Variants in PTPRN2 observed in about 807,000 individuals in gnomAD.
The protein encoded by PTPRN2 is protein tyrosine phosphatase receptor type N2.
PTPRN2 carries 74 observed loss-of-function variants against 118.8 expected under a neutral mutation model. The ratio of observed to expected loss-of-function variants is 0.62; its 90% CI spans 0.52 to 0.76. The LOEUF is 0.76. PTPRN2 is among the 30% of genes least tolerant of loss of function. The pLI is 0.00. For missense variants in PTPRN2, 1,481 were observed against 1,394.4 expected, an observed-to-expected ratio of 1.06 and a Z score of -0.99; for synonymous variants, 641 against 608.0, an observed-to-expected ratio of 1.05 and a Z score of -0.80.
In PTPRN2 at chr7:158,178,149, A is replaced by G. The variant is rs111846172; in HGVS notation, c.550-10858T>C. Reference sequence around the variant, plus strand: ...AATGATACTGAATATTTCACATTAAATTGTCACTCATTTATCCTCTTTGGT... The same window carrying G: ...AATGATACTGAATATTTCACATTAAGTTGTCACTCATTTATCCTCTTTGGT... On this transcript the variant is annotated intron_variant, in intron 5 of 22. Coordinates refer to ENST00000389418, the MANE Select transcript of PTPRN2 (RefSeq NM_002847.5). Among the ~76,000 whole-genome samples the G allele has an allele frequency of 8.8e-3, 1,347 of 152,240 alleles. 10 individuals carry two copies. Among genetic ancestry groups the G allele is most frequent in the Non-Finnish European group, 0.015 (1,020 of 68,020 alleles).
chr7:157,663,086 ATTCTGCTTGGCCGCGAAGCCACT>A (rs1795972960), intron 13 of PTPRN2, among the ~76,000 whole-genome samples: 1 of 151,770 alleles, frequency 6.6e-6, no homozygotes, highest in Non-Finnish European at 1.5e-5. Flanking sequence ...CTTTTGCCAC[ATTCTGCTTGGCCGCGAAGCCACT>A]TTCTGCAGCC....
intron 19 of PTPRN2, among the ~76,000 whole-genome samples, chr7:157,572,445 CAA>C (rs1273241925): frequency 6.6e-6 from 1 of 152,204 alleles, no homozygotes; most frequent in Non-Finnish European, 1.5e-5. Context: ...TATCCAGCAC[CAA>C]AGAGTCCGTG....
At chr7:158,277,933 G>C (rs1214600950) in intron 3 of PTPRN2, among the ~76,000 whole-genome samples, 1 of 152,158 alleles carries the variant, frequency 6.6e-6, no homozygotes, top group Non-Finnish European at 1.5e-5. Flanking sequence ...AGGACCACCA[G>C]GCACACAAGG....
intron 6 of PTPRN2, among the ~76,000 whole-genome samples, chr7:158,152,686 A>G (rs1317472281): frequency 6.6e-6 from 1 of 152,214 alleles, no homozygotes; most frequent in Non-Finnish European, 1.5e-5. Flanking sequence ...GGCCCCTACC[A>G]CACTCCCATC....
chr7:158,036,479 A>G (rs1349636677), intron 11 of PTPRN2, among the ~76,000 whole-genome samples: 2 of 152,208 alleles, frequency 1.3e-5, no homozygotes, highest in African/African-American at 2.4e-5. Context: ...TATTACTTCG[A>G]TACTAGCACT....
rs1249042090 is a variant in PTPRN2, at chr7:158,526,079, AG to A, written c.113-36295del. On this transcript the variant is annotated intron_variant, in intron 1 of 22. Coordinates refer to ENST00000389418, the MANE Select transcript of PTPRN2 (RefSeq NM_002847.5). This position sits in a 1 kb window ranked among gnomAD's most constrained non-coding sequence, Gnocchi z 5.2. Reference sequence around the variant, plus strand: ...CCTTCCTCAGCAGCGCTGTGTGGGAAGGGGGACTATCTGCCCAGTCCCTGAG... The same window carrying A: ...CCTTCCTCAGCAGCGCTGTGTGGGAAGGGGACTATCTGCCCAGTCCCTGAG... Among the ~76,000 whole-genome samples the A allele has an allele frequency of 6.6e-6, 1 of 152,160 alleles. No homozygotes were observed. Among genetic ancestry groups the A allele is most frequent in the African/African-American group, 2.4e-5 (1 of 41,434 alleles).
At chr7:158,558,359 A>G (rs994220074) in intron 1 of PTPRN2, among the ~76,000 whole-genome samples, 59 of 152,150 alleles carry the variant, frequency 3.9e-4, no homozygotes, top group African/African-American at 1.4e-3. Context: ...CTCCAAATGT[A>G]TTGTTGGATT....
At position 158,168,889 on chromosome 7, in the gene PTPRN2, A is replaced by C. The variant is rs1056982982; in HGVS notation, c.550-1598T>G. On this transcript the variant is annotated intron_variant, in intron 5 of 22. Transcript: ENST00000389418. Reference sequence around the variant, plus strand: ...GTACCTCTGACTTGGGCTTCATCAAAATGTCATGGACAGGCTGAGTATGAA... The same window carrying C: ...GTACCTCTGACTTGGGCTTCATCAACATGTCATGGACAGGCTGAGTATGAA... Among the ~76,000 whole-genome samples the C allele has an allele frequency of 3.9e-5, 6 of 152,240 alleles. No homozygotes were observed. The South Asian group carries it at 1.2e-3, about 31-fold the overall frequency.
chr7:158,501,800 G>T (rs1312827902), intron 1 of PTPRN2, among the ~76,000 whole-genome samples: 2 of 152,120 alleles, frequency 1.3e-5, no homozygotes, highest in African/African-American at 4.8e-5. Context: ...ATGTTGACCC[G>T]CCTGGAGCTT....
At chr7:158,331,829 C>G (rs1238280734) in intron 2 of PTPRN2, among the ~76,000 whole-genome samples, 1 of 104,958 alleles carries the variant, frequency 9.5e-6, no homozygotes, top group Non-Finnish European at 2.2e-5. Flanking sequence ...AGAGGTGACA[C>G]CCGCAGACGA....
At chr7:158,073,361 C>T (rs1351843620) in intron 11 of PTPRN2, among the ~76,000 whole-genome samples, 1 of 152,208 alleles carries the variant, frequency 6.6e-6, no homozygotes, top group Non-Finnish European at 1.5e-5. Context: ...GAAGTTGTGT[C>T]TCCAGGTGCC....
intron 12 of PTPRN2, among the ~76,000 whole-genome samples, chr7:157,887,465 TCCC>T (rs1285896861): frequency 3.4e-3 from 54 of 16,052 alleles, no homozygotes; most frequent in Middle Eastern, 0.031. Context: ...CAGTACCCGC[TCCC>T]CCCATTACCT....
In PTPRN2 at chr7:157,564,176, G is replaced by T. The variant is rs112756618; in HGVS notation, c.2902+4726C>A. Among the ~76,000 whole-genome samples, 997 of 152,254 alleles carry T rather than the reference G, an allele frequency of 6.5e-3. 14 individuals are homozygous for T. The highest frequency in any genetic ancestry group is 0.014 in the Middle Eastern group (4 of 294). On this transcript the variant is annotated intron_variant, in intron 21 of 22. Transcript: ENST00000389418. ...GATGGAGTTTCTTTCTTGTTGCCCAGGCTGGAGCGCAATGGTGCGATCTCA... is the reference window on the plus strand; with the variant it reads ...GATGGAGTTTCTTTCTTGTTGCCCATGCTGGAGCGCAATGGTGCGATCTCA...
intron 11 of PTPRN2, among the ~76,000 whole-genome samples, chr7:157,933,147 G>C (rs929884739): frequency 3.1e-5 from 4 of 129,722 alleles, no homozygotes; most frequent in Non-Finnish European, 7.2e-5. Context: ...TTAGAGGAGG[G>C]GTGAGTCACT....
intron 12 of PTPRN2, among the ~76,000 whole-genome samples, chr7:157,896,106 C>A (rs1214388317): frequency 6.6e-6 from 1 of 151,316 alleles, no homozygotes; most frequent in African/African-American, 2.4e-5. Context: ...GAAGATGAAA[C>A]CCAGATCCCC....
chr7:157,709,752 A>G (rs575971308), intron 12 of PTPRN2, among the ~76,000 whole-genome samples: 17 of 152,340 alleles, frequency 1.1e-4, no homozygotes, highest in African/African-American at 4.1e-4. Context: ...GAAGTCCCAG[A>G]GCACTCAGCC....
intron 3 of PTPRN2, among the ~76,000 whole-genome samples, chr7:158,285,516 A>T (rs1335260610): frequency 6.6e-6 from 1 of 152,148 alleles, no homozygotes; most frequent in Non-Finnish European, 1.5e-5. Flanking sequence ...GGCGGGCCCC[A>T]GGAGGCTGGA....
intron 1 of PTPRN2, among the ~76,000 whole-genome samples, chr7:158,564,936 G>A (rs1176820849): frequency 6.6e-6 from 1 of 152,184 alleles, no homozygotes; most frequent in Non-Finnish European, 1.5e-5. Flanking sequence ...TCCCTGTGGT[G>A]TGTGCCTGCT....
chr7:157,718,796 A>G (rs1370047894), intron 12 of PTPRN2, among the ~76,000 whole-genome samples: 2 of 152,056 alleles, frequency 1.3e-5, no homozygotes, highest in East Asian at 1.9e-4. Context: ...CCGCGGTGAC[A>G]CTGCAGCCAC....
Sources: allele counts gnomAD v4.1 joint callset (sites outside exome capture counted in the v4.1 genomes callset), GRCh38; gene constraint gnomAD v4.1.1; non-coding constraint Gnocchi (gnomAD v3.1); transcripts MANE v1.5; gene names NCBI Gene and HGNC (gene_info 2026-07-23, HGNC 2026-07-21).